Variants in CNTNAP3B observed in about 807,000 individuals in gnomAD.
The protein encoded by CNTNAP3B is contactin associated protein family member 3B.
In CNTNAP3B, 25 loss-of-function variants were observed where a neutral mutation model predicts 108.9. The ratio of observed to expected loss-of-function variants is 0.23; its 90% CI spans 0.17 to 0.32. CNTNAP3B has a LOEUF of 0.32. CNTNAP3B is among the 10% of genes least tolerant of loss of function. The pLI is 1.00. For missense variants in CNTNAP3B, 252 were observed against 1,210.4 expected, an observed-to-expected ratio of 0.21 and a Z score of 11.75; for synonymous variants, 103 against 473.4, an observed-to-expected ratio of 0.22 and a Z score of 10.16.
chr9:41,932,450 T>G (rs1824005502), intron 14 of CNTNAP3B, among the ~76,000 whole-genome samples: 1 of 151,756 alleles, frequency 6.6e-6, no homozygotes, highest in Non-Finnish European at 1.5e-5. Context: ...AGTAGAGCCA[T>G]AAGTTTGGGA....
chr9:42,109,801 C>G (rs1179221520), intron 1 of CNTNAP3B, among the ~76,000 whole-genome samples: 1 of 134,924 alleles, frequency 7.4e-6, no homozygotes, highest in Non-Finnish European at 1.6e-5. Flanking sequence ...GATCAAAGAC[C>G]CTGAGACGAG....
At chr9:42,056,393 C>T (rs1409437608) in intron 3 of CNTNAP3B, among the ~76,000 whole-genome samples, 2 of 138,686 alleles carry the variant, frequency 1.4e-5, no homozygotes, top group Non-Finnish European at 3.1e-5. Context: ...CTCTGTCGCC[C>T]AGGCTGGAGT....
intron 2 of CNTNAP3B, among the ~76,000 whole-genome samples, chr9:42,098,951 C>A (rs1264387974): frequency 7.4e-6 from 1 of 135,330 alleles, no homozygotes; most frequent in African/African-American, 3.0e-5. Flanking sequence ...GCTTACCTGC[C>A]CACATCCGAA....
At chr9:42,020,726 C>A (rs879860873) in intron 3 of CNTNAP3B, among the ~76,000 whole-genome samples, 1,310 of 137,458 alleles carry the variant, frequency 9.5e-3, no homozygotes, top group South Asian at 0.036. Flanking sequence ...TGGTCCCAGG[C>A]AAATGCTGGT....
Position 42,125,658 on chromosome 9 carries a change from ATTTTTTGTTTTTTT to A in CNTNAP3B, c.85+3338_85+3351del, listed in dbSNP as rs1355363299. Among the ~76,000 whole-genome samples, 77 of 113,506 alleles carry A rather than the reference ATTTTTTGTTTTTTT, an allele frequency of 6.8e-4. 7 individuals carry two copies. The highest frequency in any genetic ancestry group is 1.5e-3 in the Admixed American group (17 of 10,968). 74.5% of individuals were successfully genotyped at this position (113,506 alleles called of 152,430 possible). On this transcript the variant is annotated intron_variant, in intron 1 of 23. Coordinates refer to ENST00000377561, the MANE Select transcript of CNTNAP3B (RefSeq NM_001201380.3). ...AAATGAATAAAGGCATGTGAACTAC[ATTTTTTGTTTTTTT>A]TTTTTTGTTTTTTTTTGAGACAGAG...
chr9:41,920,620 TATA>T (rs1823641652), intron 17 of CNTNAP3B, among the ~76,000 whole-genome samples: 1 of 151,754 alleles, frequency 6.6e-6, no homozygotes, highest in Non-Finnish European at 1.5e-5. Flanking sequence ...AAATACATAA[TATA>T]AACCACATCA....
intron 2 of CNTNAP3B, among the ~76,000 whole-genome samples, chr9:42,095,618 G>C (rs1157264251): frequency 7.2e-6 from 1 of 138,060 alleles, no homozygotes; most frequent in Non-Finnish European, 1.5e-5. Flanking sequence ...GAGGGAAAAT[G>C]TAACTTCATT....
intron 3 of CNTNAP3B, among the ~76,000 whole-genome samples, chr9:42,054,638 A>G (rs369923547): frequency 1.9e-3 from 286 of 151,730 alleles, no homozygotes; most frequent in Middle Eastern, 0.017. Flanking sequence ...GACCCAGGAC[A>G]TGAATAAGTA....
At chr9:42,044,382 C>A (rs1247681096) in intron 3 of CNTNAP3B, among the ~76,000 whole-genome samples, 1 of 150,350 alleles carries the variant, frequency 6.7e-6, no homozygotes, top group East Asian at 2.0e-4. Context: ...AAGGTATCAC[C>A]TCCATTTCTC....
Position 42,112,197 on chromosome 9 carries a change from G to C in CNTNAP3B, c.86-7458C>G, listed in dbSNP as rs1251257249. On this transcript the variant is annotated intron_variant, in intron 1 of 23. Transcript: ENST00000377561. ...ACCCGATGACATTGCAGCCCCTGCT[G>C]TCTGCGAGTTCCCATCACTTATTAT... is the stretch of plus-strand genomic sequence containing the variant. Among the ~76,000 whole-genome samples, 2 of 140,092 alleles carry C rather than the reference G, an allele frequency of 1.4e-5. 1 individual carries two copies. Among genetic ancestry groups the C allele is most frequent in the East Asian group, 4.3e-4 (2 of 4,644 alleles). 91.9% of individuals were successfully genotyped at this position (140,092 alleles called of 152,430 possible).
chr9:41,955,706 G>A (rs1824836779), intron 12 of CNTNAP3B, among the ~76,000 whole-genome samples: 1 of 152,300 alleles, frequency 6.6e-6, no homozygotes, highest in Non-Finnish European at 1.5e-5. Context: ...GGCTGAGTCA[G>A]AACACACTGG....
chr9:41,930,649 GTC>G (rs1319504239), intron 14 of CNTNAP3B, among the ~76,000 whole-genome samples: 5 of 152,300 alleles, frequency 3.3e-5, no homozygotes, highest in African/African-American at 1.2e-4. Context: ...ATATATTTTA[GTC>G]TCTGCCTTCT....
intron 14 of CNTNAP3B, among the ~76,000 whole-genome samples, chr9:41,933,563 G>A (rs759932999): frequency 5.6e-4 from 85 of 152,350 alleles, no homozygotes; most frequent in South Asian, 1.7e-3. Flanking sequence ...GGTGTGTAAT[G>A]GTAATTATTT....
Position 42,117,816 on chromosome 9 carries a change from T to C in CNTNAP3B, c.85+11194A>G, listed in dbSNP as rs1219935139. Among the ~76,000 whole-genome samples the C allele has an allele frequency of 2.2e-5, 3 of 137,176 alleles. 1 individual carries two copies. The highest frequency in any genetic ancestry group is 4.7e-5 in the Non-Finnish European group (3 of 64,378). The allele number at this position is 137,176 out of a possible 152,430, so 90.0% of individuals were successfully genotyped here. ...AAGAAGAAAAGAGAGAAGAATCAAA[T>C]AGAAACAATAAAAAATGACAAAGGG... On this transcript the variant is annotated intron_variant, in intron 1 of 23. Transcript: ENST00000377561.
At chr9:41,963,450 G>T (rs1393498762) in intron 11 of CNTNAP3B, among the ~76,000 whole-genome samples, 1 of 149,828 alleles carries the variant, frequency 6.7e-6, no homozygotes, top group African/African-American at 2.5e-5. Flanking sequence ...CAATAAAACG[G>T]CATGGCCTTT....
chr9:42,125,783 T>C (rs1171490212), intron 1 of CNTNAP3B, among the ~76,000 whole-genome samples: 1 of 131,212 alleles, frequency 7.6e-6, no homozygotes, highest in African/African-American at 3.1e-5. Flanking sequence ...TGCCCTGAAA[T>C]TTTTTCATAT....
At position 42,129,175 on chromosome 9, in the gene CNTNAP3B, C is replaced by T. The variant is rs1157290747; in HGVS notation, c.-81G>A. ...GTTCCTGCTCTCACTCCCGCTCTCA[C>T]TCCCGTCCCCTGCGCGGCTCCGACG... On this transcript the variant is annotated 5_prime_UTR_variant, in exon 1 of 24. The change creates a new upstream start codon in the 5' untranslated region. Coordinates refer to ENST00000377561, the MANE Select transcript of CNTNAP3B (RefSeq NM_001201380.3). 2.7e-6 allele frequency: 4 copies of T among 1,479,984 alleles called. No homozygotes were observed. The highest frequency in any genetic ancestry group is 2.1e-5 in the Admixed American group (1 of 48,396). The allele number at this position is 1,479,984 out of a possible 1,614,324, so 91.7% of individuals were successfully genotyped here.
At chr9:42,103,355 TC>T (rs1333327924) in intron 2 of CNTNAP3B, among the ~76,000 whole-genome samples, 6 of 146,304 alleles carry the variant, frequency 4.1e-5, no homozygotes, top group Non-Finnish European at 7.4e-5. Context: ...ATTTATTTGG[TC>T]CAATGTGCAA....
chr9:42,046,896 A>G (rs2118532828), intron 3 of CNTNAP3B, among the ~76,000 whole-genome samples: 1 of 86,454 alleles, frequency 1.2e-5, no homozygotes, highest in South Asian at 3.6e-4. Context: ...GTCTGGTCCT[A>G]CTCAAGTCTG....
Sources: gnomAD v4.1 joint callset for allele counts (sites outside exome capture counted in the v4.1 genomes callset) on GRCh38, gnomAD v4.1.1 for gene constraint, MANE v1.5 for transcripts, NCBI Gene and HGNC (gene_info 2026-07-23, HGNC 2026-07-21) for gene names.